Variants in FCHO2 observed in about 807,000 individuals in gnomAD.
FCHO2 encodes the protein FCH and mu domain containing endocytic adaptor 2, also known as F-BAR domain only protein 2.
A neutral mutation model predicts 114.1 loss-of-function variants in FCHO2; 43 were observed. The ratio of observed to expected loss-of-function variants is 0.38; its 90% CI spans 0.30 to 0.49. FCHO2 has a LOEUF of 0.49. Among genes scored for constraint, FCHO2 ranks in the 20% least tolerant of loss-of-function variants. The probability of loss-of-function intolerance (pLI) is 0.97; values close to 1 mark genes in which losing one functional copy is unlikely to be tolerated. For missense variants in FCHO2, 807 were observed against 950.4 expected (o/e 0.85, Z 1.98); for synonymous variants, 293 against 315.2 (o/e 0.93, Z 0.75).
rs1006279210 is a variant in FCHO2, at chr5:72,973,293, G to A, written c.125+4704G>A. ...GAAGGAATGGTACCAGTTCCTCCTT[G>A]TACCTCTGGTAGAATTTGGCTGTGA... is the stretch of plus-strand genomic sequence containing the variant. On this transcript the variant is annotated intron_variant, in intron 2 of 25. Transcript: ENST00000430046. 1.9e-3 allele frequency among the ~76,000 whole-genome samples: 283 copies of A among 152,246 alleles called. 3 individuals are homozygous for A. Among genetic ancestry groups the A allele is most frequent in the African/African-American group, 6.4e-3 (266 of 41,538 alleles).
intron 8 of FCHO2, among the ~76,000 whole-genome samples, chr5:73,018,212 C>T (rs1469914983): frequency 6.6e-6 from 1 of 152,142 alleles, no homozygotes; most frequent in African/African-American, 2.4e-5. Context: ...TTCTTCTTCC[C>T]AAATTTCATT....
intron 11 of FCHO2, among the ~76,000 whole-genome samples, chr5:73,045,734 A>G (rs1757022817): frequency 6.6e-6 from 1 of 152,088 alleles, no homozygotes; most frequent in Non-Finnish European, 1.5e-5. Context: ...CTATATTGTT[A>G]TATTTGAAGT....
chr5:73,025,773 CAT>C (rs1755881789), intron 8 of FCHO2, among the ~76,000 whole-genome samples: 2 of 152,140 alleles, frequency 1.3e-5, no homozygotes, highest in South Asian at 2.1e-4. Flanking sequence ...AGAAAAATAA[CAT>C]AGACAAAATT....
chr5:72,956,356 C>T (rs990732320), intron 1 of FCHO2, among the ~76,000 whole-genome samples: 12 of 151,638 alleles, frequency 7.9e-5, no homozygotes, highest in African/African-American at 2.9e-4. Context: ...GGCCCGGGGG[C>T]CCGCAGCGGG....
chr5:72,977,603 G>C (rs1752958852), intron 2 of FCHO2, among the ~76,000 whole-genome samples: 1 of 152,138 alleles, frequency 6.6e-6, no homozygotes, highest in Admixed American at 6.5e-5. Context: ...CTTTTGCTGT[G>C]CAGAAGCTCT....
intron 11 of FCHO2, among the ~76,000 whole-genome samples, chr5:73,043,413 C>T (rs1756901026): frequency 6.6e-6 from 1 of 151,674 alleles, no homozygotes; most frequent in Non-Finnish European, 1.5e-5. Context: ...CACACATACA[C>T]ACACACACAC....
chr5:73,023,731 A>T (rs72764855), intron 8 of FCHO2, among the ~76,000 whole-genome samples: 17,886 of 152,086 alleles, frequency 0.12, 1,271 homozygotes, highest in Non-Finnish European at 0.17. Flanking sequence ...TAGTCCAAAC[A>T]CATTTATTTA....
At chr5:72,969,620 G>C (rs1321301325) in intron 2 of FCHO2, among the ~76,000 whole-genome samples, 2 of 152,156 alleles carry the variant, frequency 1.3e-5, no homozygotes, top group Non-Finnish European at 2.9e-5. Flanking sequence ...GCAACCATCA[G>C]GGCAGATATT....
At chr5:73,052,265 A>G in intron 12 of FCHO2, 67 bp from the exon 13 acceptor site, 1 of 1,424,032 alleles carries the variant, frequency 7.0e-7, no homozygotes, top group Non-Finnish European at 9.4e-7. Context: ...CTTTTTTAAA[A>G]TAAATGTGTG....
chr5:73,051,422 C>T lies in FCHO2; in HGVS notation c.997+16C>T. The stretch of plus-strand genomic sequence containing the variant: ...AATCAGAATGATATCCTTTCATCAT[C>T]TAGTATTCTTAAGGATTATGTTGGC... On this transcript the variant is annotated intron_variant, in intron 12 of 25. Transcript: ENST00000430046. 1 of 1,484,234 alleles carries T rather than the reference C, an allele frequency of 6.7e-7. No homozygotes were observed. The highest frequency in any genetic ancestry group is 9.2e-7 in the Non-Finnish European group (1 of 1,092,232). The allele number at this position is 1,484,234 out of a possible 1,614,324, so 91.9% of individuals were successfully genotyped here.
At chr5:73,013,858 G>C (rs1170812807) in intron 6 of FCHO2, among the ~76,000 whole-genome samples, 1 of 152,060 alleles carries the variant, frequency 6.6e-6, no homozygotes, top group East Asian at 1.9e-4. Context: ...GCTAATTTTT[G>C]TATTTTTAGT....
At chr5:73,016,378 TA>T (rs1755312662) in intron 7 of FCHO2, among the ~76,000 whole-genome samples, 1 of 140,956 alleles carries the variant, frequency 7.1e-6, no homozygotes, top group South Asian at 2.3e-4. Context: ...GTTTAAATAT[TA>T]AAAAAGATTT....
chr5:73,037,560 C>G (rs2112801067), intron 10 of FCHO2, among the ~76,000 whole-genome samples: 1 of 152,074 alleles, frequency 6.6e-6, no homozygotes, highest in East Asian at 1.9e-4. Flanking sequence ...AGTCTTAATG[C>G]CTAAGAGAAA....
chr5:72,979,378 CTTTTTTTTTTT>C (rs60234739), intron 2 of FCHO2, among the ~76,000 whole-genome samples: 88 of 49,790 alleles, frequency 1.8e-3, no homozygotes, highest in South Asian at 7.7e-3. Context: ...TTATCAATTT[CTTTTTTTTTTT>C]TTTTTTTTTT....
chr5:73,022,696 G>C (rs1755694397), intron 8 of FCHO2, among the ~76,000 whole-genome samples: 1 of 152,180 alleles, frequency 6.6e-6, no homozygotes, highest in African/African-American at 2.4e-5. Flanking sequence ...CTTTTTGTTT[G>C]CGAATGTCAG....
chr5:73,044,228 C>T (rs1756950401), intron 11 of FCHO2, among the ~76,000 whole-genome samples: 1 of 152,150 alleles, frequency 6.6e-6, no homozygotes, highest in Non-Finnish European at 1.5e-5. Flanking sequence ...ATAAATTACC[C>T]AGTCTCAGAT....
intron 8 of FCHO2, among the ~76,000 whole-genome samples, chr5:73,028,761 C>T (rs575545858): frequency 6.6e-6 from 1 of 150,840 alleles, no homozygotes; most frequent in South Asian, 2.1e-4. Context: ...AGTGATTCTC[C>T]TGCTTCAGCC....
At chr5:73,067,071 T>A (rs929781324) in intron 18 of FCHO2, among the ~76,000 whole-genome samples, 29 of 152,058 alleles carry the variant, frequency 1.9e-4, no homozygotes, top group African/African-American at 6.0e-4. Flanking sequence ...TTTGTGTGTA[T>A]GCTGTGTCTT....
chr5:72,990,626 G>A lies in FCHO2; in HGVS notation c.342+7G>A, dbSNP rs1294776789. 3 of 1,528,336 alleles carry A rather than the reference G, an allele frequency of 2.0e-6. No homozygotes were observed. The highest frequency in any genetic ancestry group is 2.4e-5 in the Admixed American group (1 of 40,994). The allele number at this position is 1,528,336 out of a possible 1,614,324, so 94.7% of individuals were successfully genotyped here. A position where few individuals can be genotyped will look rare whatever the true frequency, so the allele number is the denominator to read the frequency against. The stretch of plus-strand genomic sequence containing the variant: ...AGTAAAGTCTCATAAAAAGGTATCA[G>A]TTTTTTTCTTGTTAAATAATTGATT... On this transcript the variant is annotated splice_region_variant and intron_variant, in intron 4 of 25. Coordinates refer to ENST00000430046, the MANE Select transcript of FCHO2 (RefSeq NM_138782.3).
Sources: allele counts gnomAD v4.1 joint callset (sites outside exome capture counted in the v4.1 genomes callset), GRCh38; gene constraint gnomAD v4.1.1; transcripts MANE v1.5; gene names NCBI Gene and HGNC (gene_info 2026-07-23, HGNC 2026-07-21).